ARHGAP18: variants seen among roughly 807,000 people sequenced by gnomAD.
ARHGAP18 encodes Rho GTPase activating protein 18, also known as rho GTPase-activating protein 18.
ARHGAP18 carries 67 observed loss-of-function variants against 86.2 expected under a neutral mutation model. The observed-to-expected ratio is 0.78, with a 90% CI of 0.64 to 0.95. The LOEUF is 0.95. ARHGAP18 is among the 40% of genes least tolerant of loss of function. The probability of loss-of-function intolerance (pLI) is 0.00; values close to 1 mark genes in which losing one functional copy is unlikely to be tolerated. For synonymous variants in ARHGAP18, 283 were observed against 280.4 expected (o/e 1.01, Z -0.09); for missense variants, 691 against 780.4 (o/e 0.89, Z 1.37).
intron 5 of ARHGAP18, 120 bp downstream of exon 5, chr6:129,629,233 G>A (rs536733192): frequency 2.9e-6 from 2 of 691,022 alleles, no homozygotes; most frequent in Non-Finnish European, 4.1e-6. Context: ...CTGTCTGTCT[G>A]TCTCTCTCTC....
intron 1 of ARHGAP18, among the ~76,000 whole-genome samples, chr6:129,690,108 G>A (rs1218503118): frequency 3.3e-5 from 5 of 150,766 alleles, no homozygotes; most frequent in African/African-American, 4.9e-5. Flanking sequence ...CAACATAAAT[G>A]TTCTGCCCAT....
chr6:129,683,055 C>CTTTTTTTTTTTTTTTTTTTT (rs199633610), intron 1 of ARHGAP18, among the ~76,000 whole-genome samples: 2 of 139,090 alleles, frequency 1.4e-5, no homozygotes, highest in Non-Finnish European at 1.6e-5. Flanking sequence ...TTTGTTTTTT[C>CTTTTTTTTTTTTTTTTTTTT]TTTTTTTTTT....
chr6:129,682,517 G>A (rs1290441479), intron 1 of ARHGAP18, among the ~76,000 whole-genome samples: 1 of 152,186 alleles, frequency 6.6e-6, no homozygotes. Context: ...GGACAACTGG[G>A]TGCCATTATC....
chr6:129,629,266 TGTGTGC>T, intron 5 of ARHGAP18, 81 bp downstream of exon 5: 1 of 1,076,992 alleles, frequency 9.3e-7, no homozygotes, highest in Non-Finnish European at 1.3e-6. Flanking sequence ...TATATATGTG[TGTGTGC>T]GTGTGTGTGT....
intron 7 of ARHGAP18, among the ~76,000 whole-genome samples, chr6:129,615,040 TA>T (rs945926651): frequency 6.6e-6 from 1 of 150,980 alleles, no homozygotes; most frequent in Non-Finnish European, 1.5e-5. Flanking sequence ...GTGAGCCAAT[TA>T]AAAAAAAACA....
intron 1 of ARHGAP18, among the ~76,000 whole-genome samples, chr6:129,686,978 C>CTTTTTTTTTTT: frequency 6.4e-3 from 681 of 106,768 alleles, no homozygotes; most frequent in Middle Eastern, 0.013. Context: ...TTTTTTTTTT[C>CTTTTTTTTTTT]TTTTTTTTTT....
At chr6:129,685,551 T>C (rs754571034) in intron 1 of ARHGAP18, among the ~76,000 whole-genome samples, 155 of 152,034 alleles carry the variant, frequency 1.0e-3, no homozygotes, top group Non-Finnish European at 1.6e-3. Flanking sequence ...TATTCAAATA[T>C]AGGATATTAT....
chr6:129,625,864 AT>A (rs1789438155), intron 5 of ARHGAP18, among the ~76,000 whole-genome samples: 1 of 57,790 alleles, frequency 1.7e-5, no homozygotes, highest in Non-Finnish European at 3.5e-5. Context: ...ATATTTATAT[AT>A]TATATATTAT....
intron 1 of ARHGAP18, among the ~76,000 whole-genome samples, chr6:129,690,712 A>G (rs1006055430): frequency 7.9e-5 from 12 of 152,210 alleles, no homozygotes; most frequent in Non-Finnish European, 1.5e-4. Flanking sequence ...CCGTGAAAAG[A>G]AAAACATTTC....
intron 5 of ARHGAP18, among the ~76,000 whole-genome samples, chr6:129,627,995 G>T (rs1473036719): frequency 1.3e-5 from 2 of 152,074 alleles, no homozygotes; most frequent in Non-Finnish European, 2.9e-5. Flanking sequence ...ACTGGGTGGG[G>T]GTATGAATAG....
chr6:129,661,648 A>T (rs1280982160), intron 1 of ARHGAP18, among the ~76,000 whole-genome samples: 5 of 152,106 alleles, frequency 3.3e-5, no homozygotes, highest in Non-Finnish European at 7.4e-5. Context: ...TCCGCTGTAT[A>T]ATGAGGGGCT....
chr6:129,655,337 A>AAAG (rs1554339769), intron 1 of ARHGAP18, among the ~76,000 whole-genome samples: 29 of 98,692 alleles, frequency 2.9e-4, no homozygotes, highest in Non-Finnish European at 4.3e-4. Context: ...AAAAAAAAAA[A>AAAG]AAAAGAAAAG....
chr6:129,621,762 GATAATA>G (rs971189577), intron 5 of ARHGAP18, among the ~76,000 whole-genome samples: 5 of 151,928 alleles, frequency 3.3e-5, no homozygotes, highest in Non-Finnish European at 5.9e-5. Context: ...AGAAAAAAAT[GATAATA>G]ATAATTATCT....
intron 1 of ARHGAP18, among the ~76,000 whole-genome samples, chr6:129,707,829 TTTG>T (rs903010276): frequency 4.6e-5 from 7 of 151,888 alleles, no homozygotes; most frequent in Admixed American, 2.0e-4. Context: ...AGAGTTTTGT[TTTG>T]TTTTTACTTT....
chr6:129,669,150 T>C (rs547660373), intron 1 of ARHGAP18, among the ~76,000 whole-genome samples: 12 of 151,538 alleles, frequency 7.9e-5, no homozygotes, highest in Middle Eastern at 3.5e-3. Flanking sequence ...CTCCAACTGC[T>C]GTGCTTGGCA....
intron 1 of ARHGAP18, among the ~76,000 whole-genome samples, chr6:129,643,511 C>CA (rs925789321): frequency 2.6e-5 from 4 of 152,298 alleles, no homozygotes; most frequent in Admixed American, 2.0e-4. Context: ...AACTGTGAGT[C>CA]AATTAAACCT....
At chr6:129,671,562 G>A (rs968860903) in intron 1 of ARHGAP18, among the ~76,000 whole-genome samples, 4 of 152,006 alleles carry the variant, frequency 2.6e-5, no homozygotes, top group African/African-American at 9.7e-5. Context: ...TTACCCAGGT[G>A]CAGTGATGTG....
intron 14 of ARHGAP18, among the ~76,000 whole-genome samples, chr6:129,578,828 G>A (rs1788231669): frequency 6.6e-6 from 1 of 152,106 alleles, no homozygotes; most frequent in African/African-American, 2.4e-5. Flanking sequence ...GCTAGGCATG[G>A]TGGCTTGCAC....
chr6:129,676,915 C>CTTTTTTTTTTTTTT lies in ARHGAP18; in HGVS notation c.113+33095_113+33108dup, dbSNP rs10688716. On this transcript the variant is annotated intron_variant, in intron 1 of 14. Coordinates refer to ENST00000368149, the MANE Select transcript of ARHGAP18 (RefSeq NM_033515.3). ...AAACAGATGAAAAATTTTTTGTCCT[C>CTTTTTTTTTTTTTT]TTTTTTTTTTTTTTTTTTTTTTTTT... Among the ~76,000 whole-genome samples the CTTTTTTTTTTTTTT allele has an allele frequency of 2.1e-3, 78 of 37,974 alleles. 4 individuals are homozygous for CTTTTTTTTTTTTTT. The highest frequency in any genetic ancestry group is 5.2e-3 in the African/African-American group (76 of 14,500). 24.9% of individuals were successfully genotyped at this position (37,974 alleles called of 152,430 possible).
Sources: allele counts gnomAD v4.1 joint callset (sites outside exome capture counted in the v4.1 genomes callset), GRCh38; gene constraint gnomAD v4.1.1; transcripts MANE v1.5; gene names NCBI Gene and HGNC (gene_info 2026-07-23, HGNC 2026-07-21).